The following CLSTN1 variants were observed in gnomAD, a reference collection of about 807,000 sequenced individuals.
CLSTN1 encodes the protein calsyntenin-1.
Under a neutral mutation model 108.3 loss-of-function variants are expected in CLSTN1, and 28 were observed. The observed-to-expected ratio is 0.26, with a 90% CI of 0.19 to 0.35. The LOEUF is 0.35. Among genes scored for constraint, CLSTN1 ranks in the 10% least tolerant of loss-of-function variants. The probability of loss-of-function intolerance (pLI) is 1.00; values close to 1 mark genes in which losing one functional copy is unlikely to be tolerated. For synonymous variants in CLSTN1, 524 were observed against 534.9 expected, an observed-to-expected ratio of 0.98 and a Z score of 0.28; for missense variants, 1,157 against 1,302.6, an observed-to-expected ratio of 0.89 and a Z score of 1.72.
At position 9,749,491 on chromosome 1, in the gene CLSTN1, A is replaced by G; in HGVS notation, c.955T>C (p.Tyr319His). 6.2e-7 allele frequency: 1 copy of G among 1,613,646 alleles called. No individual in the cohort carries two copies. The highest frequency in any genetic ancestry group is 1.1e-5 in the South Asian group (1 of 91,080). Residue 319 changes from tyrosine to histidine, a missense_variant, in exon 7 of 19, where the codon TAC (tyrosine) becomes CAC (histidine). Physicochemically the swap from Tyr to His is moderately conservative, Grantham distance 83. Transcript: ENST00000377298. Reference protein sequence around the residue: ...HIGKGCDRDTYSEKSLHRLCG... With the variant: ...HIGKGCDRDTHSEKSLHRLCG... ...AGCCGGTGGAGGGACTTCTCTGAGTAGGTGTCTCGGTCGCAGCCTTTCCCT... is the reference window on the plus strand; with the variant it reads ...AGCCGGTGGAGGGACTTCTCTGAGTGGGTGTCTCGGTCGCAGCCTTTCCCT...
At chr1:9,756,969 A>G (rs923634941) in intron 2 of CLSTN1, among the ~76,000 whole-genome samples, 63 of 151,814 alleles carry the variant, frequency 4.1e-4, no homozygotes, top group African/African-American at 1.5e-3. Context: ...TAGTAGAGAC[A>G]GGGTATCACC....
rs114008580 is a variant in CLSTN1 at position 9,752,241 on chromosome 1, C to G, written c.441-560G>C. Among the ~76,000 whole-genome samples, 727 of 152,220 alleles carry G rather than the reference C, an allele frequency of 4.8e-3. 3 individuals carry two copies. The highest frequency in any genetic ancestry group is 0.016 in the African/African-American group (653 of 41,518). Reference sequence around the variant, plus strand: ...AACAAATGGAAGAGTTCAGGAGAGGCAGGCCGTTGCCACCTGCCAATACCC... The same window carrying G: ...AACAAATGGAAGAGTTCAGGAGAGGGAGGCCGTTGCCACCTGCCAATACCC... On this transcript the variant is annotated intron_variant, in intron 4 of 18. Coordinates refer to ENST00000377298, the MANE Select transcript of CLSTN1 (RefSeq NM_001009566.3).
intron 2 of CLSTN1, among the ~76,000 whole-genome samples, chr1:9,764,431 G>A (rs1210568708): frequency 6.6e-6 from 1 of 152,078 alleles, no homozygotes; most frequent in Non-Finnish European, 1.5e-5. Flanking sequence ...GAGGTCTGGG[G>A]TTCAAGGCCA....
chr1:9,796,312 G>T (rs934934625), intron 1 of CLSTN1, among the ~76,000 whole-genome samples: 1 of 149,592 alleles, frequency 6.7e-6, no homozygotes, highest in African/African-American at 2.4e-5. Context: ...AAAAAAACAG[G>T]CATTTGACCT....
At chr1:9,805,288 C>T (rs1003951190) in intron 1 of CLSTN1, among the ~76,000 whole-genome samples, 2 of 152,064 alleles carry the variant, frequency 1.3e-5, no homozygotes, top group Non-Finnish European at 2.9e-5. Context: ...GTGACATGTC[C>T]CCTAGTTGTA....
chr1:9,803,617 A>C (rs1654380044), intron 1 of CLSTN1, among the ~76,000 whole-genome samples: 1 of 152,132 alleles, frequency 6.6e-6, no homozygotes, highest in East Asian at 1.9e-4. Context: ...AGTCTGGCCA[A>C]CATGGTGAAA....
chr1:9,746,723 A>G (rs1199012752), intron 7 of CLSTN1, among the ~76,000 whole-genome samples: 3 of 151,724 alleles, frequency 2.0e-5, no homozygotes, highest in Non-Finnish European at 4.4e-5. Context: ...AAAGAAAAAA[A>G]AAAACCACAC....
In CLSTN1 at chr1:9,731,752, A is replaced by G. The variant is rs1180581372; in HGVS notation, c.2563+9T>C. 6.2e-7 allele frequency: 1 copy of G among 1,614,162 alleles called. No individual in the cohort carries two copies. Among genetic ancestry groups the G allele is most frequent in the Non-Finnish European group, 8.5e-7 (1 of 1,180,024 alleles). On this transcript the variant is annotated intron_variant, in intron 17 of 18. Transcript: ENST00000377298. ...GCATCTCCGCTTGGTCTCCCTCCCCATGTCCTACCTGCGAACGGGTGGGGG... is the reference window on the plus strand; with the variant it reads ...GCATCTCCGCTTGGTCTCCCTCCCCGTGTCCTACCTGCGAACGGGTGGGGG...
At chr1:9,776,054 C>A (rs1450386491) in intron 1 of CLSTN1, among the ~76,000 whole-genome samples, 2 of 151,358 alleles carry the variant, frequency 1.3e-5, no homozygotes, top group African/African-American at 4.9e-5. Context: ...CTCACTGCAA[C>A]CTTCGCCTCT....
intron 1 of CLSTN1, among the ~76,000 whole-genome samples, chr1:9,774,217 T>C (rs1652828517): frequency 6.6e-6 from 1 of 152,048 alleles, no homozygotes; most frequent in South Asian, 2.1e-4. Context: ...AGTATTAAAA[T>C]AAAACTCTGC....
At chr1:9,816,597 G>C (rs1459278508) in intron 1 of CLSTN1, among the ~76,000 whole-genome samples, 1 of 149,526 alleles carries the variant, frequency 6.7e-6, no homozygotes. Flanking sequence ...TTGTTTGTTT[G>C]AGACAAAGTC....
intron 1 of CLSTN1, among the ~76,000 whole-genome samples, chr1:9,819,975 A>G (rs115391710): frequency 0.027 from 4,148 of 152,270 alleles, 166 homozygotes; most frequent in African/African-American, 0.093. Context: ...AGGCTGAGAC[A>G]GAGTTTCATG....
At chr1:9,732,503 G>A (rs190818597) in intron 16 of CLSTN1, among the ~76,000 whole-genome samples, 37 of 152,356 alleles carry the variant, frequency 2.4e-4, no homozygotes, top group Admixed American at 2.1e-3. Context: ...GTGAAAGACA[G>A]CACCAATCAC....
At chr1:9,744,702 A>G in intron 7 of CLSTN1, 59 bp from the exon 8 acceptor site, 1 of 1,533,272 alleles carries the variant, frequency 6.5e-7, no homozygotes, top group South Asian at 1.2e-5. Context: ...GCGCACCTCA[A>G]GCCCCCAGGC....
intron 1 of CLSTN1, among the ~76,000 whole-genome samples, chr1:9,781,733 G>A (rs1269802001): frequency 2.6e-5 from 4 of 152,058 alleles, no homozygotes; most frequent in Non-Finnish European, 4.4e-5. Flanking sequence ...GTGAGTCACC[G>A]CGCCCAGCTT....
Position 9,736,051 on chromosome 1 carries a change from C to A in CLSTN1, c.1577-9G>T, listed in dbSNP as rs367666519. On this transcript the variant is annotated splice_polypyrimidine_tract_variant and intron_variant, in intron 11 of 18. Transcript: ENST00000377298. Reference sequence around the variant, plus strand: ...CATGTGCAGGTCGCCACCTTTGGGTCAGGGGAGAAAAGGCGAAGTCAGGCG... The same window carrying A: ...CATGTGCAGGTCGCCACCTTTGGGTAAGGGGAGAAAAGGCGAAGTCAGGCG... 7 of 1,614,076 alleles carry A rather than the reference C, an allele frequency of 4.3e-6. No homozygotes were observed. Among genetic ancestry groups the A allele is most frequent in the Non-Finnish European group, 5.1e-6 (6 of 1,180,022 alleles).
rs1048318725 is a variant in CLSTN1 at position 9,737,414 on chromosome 1, G to A, written c.1576+84C>T. The A allele has an allele frequency of 3.2e-6, 4 of 1,259,850 alleles. No homozygotes were observed. In the African/African-American group the frequency reaches 5.9e-5, roughly 19 times the overall value. 78.0% of individuals were successfully genotyped at this position (1,259,850 alleles called of 1,614,324 possible). ...GGTGTCCAGGACCAAAATGCAACTG[G>A]GGCGTTTCATGCGACACGTGGAATG... is the stretch of plus-strand genomic sequence containing the variant. On this transcript the variant is annotated intron_variant, in intron 11 of 18. Transcript: ENST00000377298.
At chr1:9,797,026 C>G (rs1480784266) in intron 1 of CLSTN1, among the ~76,000 whole-genome samples, 1 of 152,052 alleles carries the variant, frequency 6.6e-6, no homozygotes, top group Non-Finnish European at 1.5e-5. Flanking sequence ...AACACTGGTG[C>G]GTGGTAGGGG....
chr1:9,745,828 G>T (rs1276030982), intron 7 of CLSTN1, among the ~76,000 whole-genome samples: 1 of 143,682 alleles, frequency 7.0e-6, no homozygotes, highest in Non-Finnish European at 1.5e-5. Flanking sequence ...CAGTGCAGTG[G>T]TGCAGCGTTG....
Sources: allele counts gnomAD v4.1 joint callset (sites outside exome capture counted in the v4.1 genomes callset), GRCh38; gene constraint gnomAD v4.1.1; transcripts MANE v1.5; gene names NCBI Gene and HGNC (gene_info 2026-07-23, HGNC 2026-07-21).